Variants in IMMP2L observed in about 807,000 individuals in gnomAD.
The protein encoded by IMMP2L is inner mitochondrial membrane peptidase subunit 2, also known as mitochondrial inner membrane protease subunit 2.
IMMP2L carries 18 observed loss-of-function variants against 19.3 expected under a neutral mutation model. The observed-to-expected ratio is 0.93, with a 90% CI of 0.64 to 1.38. IMMP2L has a LOEUF of 1.38. Ranked by LOEUF, IMMP2L falls within the 40% of genes most tolerant of loss-of-function variation. The pLI, the probability that IMMP2L is intolerant of heterozygous loss-of-function variation, is 0.00. For missense variants in IMMP2L, 233 were observed against 218.2 expected (o/e 1.07, Z -0.43); for synonymous variants, 76 against 73.0 (o/e 1.04, Z -0.21).
chr7:110,950,998 T>C (rs1817780479), intron 4 of IMMP2L, among the ~76,000 whole-genome samples: 1 of 151,264 alleles, frequency 6.6e-6, no homozygotes, highest in Non-Finnish European at 1.5e-5. Context: ...ACCTCGACAG[T>C]ATTATGCTGA....
chr7:111,393,861 A>C (rs141661144), intron 3 of IMMP2L, among the ~76,000 whole-genome samples: 1,611 of 152,228 alleles, frequency 0.011, 35 homozygotes, highest in African/African-American at 0.036. Context: ...AGTGGGTTTT[A>C]TGTACGTGTG....
intron 3 of IMMP2L, among the ~76,000 whole-genome samples, chr7:111,016,847 A>C (rs1480696181): frequency 1.2e-5 from 1 of 86,132 alleles, no homozygotes; most frequent in Non-Finnish European, 2.0e-5. Context: ...TATTATATAT[A>C]ATATATATTA....
At chr7:111,127,880 A>G (rs2129592288) in intron 3 of IMMP2L, among the ~76,000 whole-genome samples, 1 of 152,308 alleles carries the variant, frequency 6.6e-6, no homozygotes, top group Non-Finnish European at 1.5e-5. Flanking sequence ...AAGATTTTCT[A>G]ACAATAAGCA....
At chr7:111,442,147 G>C (rs1837808179) in intron 3 of IMMP2L, among the ~76,000 whole-genome samples, 1 of 151,418 alleles carries the variant, frequency 6.6e-6, no homozygotes, top group African/African-American at 2.4e-5. Context: ...AAAAAAAAAA[G>C]CTCTGCAGGT....
intron 5 of IMMP2L, among the ~76,000 whole-genome samples, chr7:110,718,763 G>C (rs988293463): frequency 1.1e-4 from 16 of 152,162 alleles, no homozygotes; most frequent in African/African-American, 3.6e-4. Context: ...GCTGGGTGTG[G>C]TTCCAAACTG....
intron 2 of IMMP2L, among the ~76,000 whole-genome samples, chr7:111,503,461 C>G (rs909566247): frequency 6.6e-6 from 1 of 152,138 alleles, no homozygotes; most frequent in Non-Finnish European, 1.5e-5. Context: ...TCCTCCCTAA[C>G]TCATTTTAGG....
chr7:110,990,776 C>T (rs187367522), intron 3 of IMMP2L, among the ~76,000 whole-genome samples: 1 of 152,246 alleles, frequency 6.6e-6, no homozygotes, highest in East Asian at 1.9e-4. Context: ...AACACCATTT[C>T]TTACTTAAAA....
At chr7:110,829,087 C>A (rs1031734150) in intron 5 of IMMP2L, among the ~76,000 whole-genome samples, 1 of 152,166 alleles carries the variant, frequency 6.6e-6, no homozygotes, top group African/African-American at 2.4e-5. Flanking sequence ...GCTTCCTGAT[C>A]CTATGAGATT....
intron 1 of IMMP2L, among the ~76,000 whole-genome samples, chr7:111,552,877 G>A (rs6963405): frequency 0.8 from 121,318 of 152,056 alleles, 50,188 homozygotes; most frequent in East Asian, 0.97. Context: ...CTTGAATCTC[G>A]GGAAAGTCAT....
At chr7:111,165,483 T>C (rs1410699428) in intron 3 of IMMP2L, among the ~76,000 whole-genome samples, 1 of 152,080 alleles carries the variant, frequency 6.6e-6, no homozygotes, top group African/African-American at 2.4e-5. Context: ...GTTTAACTTT[T>C]TGAGGAAATG....
At chr7:110,802,132 C>T (rs1291114169) in intron 5 of IMMP2L, among the ~76,000 whole-genome samples, 1 of 152,026 alleles carries the variant, frequency 6.6e-6, no homozygotes, top group African/African-American at 2.4e-5. Context: ...TGATCTTGGT[C>T]ATCTTTGAAT....
At chr7:111,454,204 C>T (rs1007338116) in intron 3 of IMMP2L, among the ~76,000 whole-genome samples, 2 of 152,078 alleles carry the variant, frequency 1.3e-5, no homozygotes, top group African/African-American at 4.8e-5. Context: ...GCGATCGCAA[C>T]TAACTGAAGC....
At chr7:111,520,534 T>A (rs972838721) in intron 2 of IMMP2L, among the ~76,000 whole-genome samples, 6 of 152,018 alleles carry the variant, frequency 3.9e-5, no homozygotes, top group African/African-American at 1.4e-4. Flanking sequence ...AGAAAAAAAA[T>A]TAAGCTGGTT....
chr7:110,850,220 A>G (rs995416435), intron 5 of IMMP2L, among the ~76,000 whole-genome samples: 1 of 152,132 alleles, frequency 6.6e-6, no homozygotes, highest in African/African-American at 2.4e-5. Context: ...GATCTGGTCC[A>G]TACAAAATAA....
intron 3 of IMMP2L, among the ~76,000 whole-genome samples, chr7:111,259,728 G>T (rs1817111853): frequency 6.6e-6 from 1 of 151,604 alleles, no homozygotes; most frequent in East Asian, 1.9e-4. Flanking sequence ...TAAATTTTTT[G>T]ACTTTTGTAA....
chr7:110,868,117 TTGTG>T (rs71151813), intron 5 of IMMP2L, among the ~76,000 whole-genome samples: 18 of 144,420 alleles, frequency 1.2e-4, no homozygotes, highest in East Asian at 2.1e-4. Context: ...CTTGTGAGGT[TTGTG>T]TGTGTGTGTG....
intron 3 of IMMP2L, among the ~76,000 whole-genome samples, chr7:111,033,669 G>A (rs1268467394): frequency 1.3e-5 from 2 of 152,056 alleles, no homozygotes; most frequent in Admixed American, 1.3e-4. Context: ...AAAAATCATG[G>A]AAGAACCATT....
At chr7:110,820,197 G>T (rs961793204) in intron 5 of IMMP2L, among the ~76,000 whole-genome samples, 9 of 151,924 alleles carry the variant, frequency 5.9e-5, no homozygotes, top group Non-Finnish European at 1.0e-4. Context: ...TCAAATTTTT[G>T]ATTAACAGCA....
At chr7:111,175,069 GT>G (rs1806891620) in intron 3 of IMMP2L, among the ~76,000 whole-genome samples, 1 of 151,846 alleles carries the variant, frequency 6.6e-6, no homozygotes, top group African/African-American at 2.4e-5. Flanking sequence ...CAGAAATTAA[GT>G]GGAAAATCAG....
Sources: allele counts gnomAD v4.1 joint callset (sites outside exome capture counted in the v4.1 genomes callset), GRCh38; gene constraint gnomAD v4.1.1; transcripts MANE v1.5; gene names NCBI Gene and HGNC (gene_info 2026-07-23, HGNC 2026-07-21).